The following H3C6 variants were observed in gnomAD, a reference collection of about 807,000 sequenced individuals.
H3C6 encodes the protein H3 clustered histone 6.
H3C6 carries 17 observed loss-of-function variants against 8.0 expected under a neutral mutation model. That is an observed-to-expected ratio of 2.13 (90% CI 1.46 to 3.19). H3C6 has a LOEUF of 3.19. Ranked by LOEUF, H3C6 falls within the 30% of genes most tolerant of loss-of-function variation. The pLI, the probability that H3C6 is intolerant of heterozygous loss-of-function variation, is 0.00. For synonymous variants in H3C6, 169 were observed against 78.0 expected, an observed-to-expected ratio of 2.17 and a Z score of -6.15; for missense variants, 298 against 193.8, an observed-to-expected ratio of 1.54 and a Z score of -3.19.
chr6:26,226,514 T>G (rs1239274405), downstream of H3C6: 2 of 152,138 alleles, frequency 1.3e-5, no homozygotes, highest in Non-Finnish European at 2.9e-5. Context: ...GCCTCAGCCT[T>G]CCGAGTAGCT....
downstream of H3C6, chr6:26,225,850 T>G (rs937511204): frequency 6.4e-6 from 2 of 313,172 alleles, no homozygotes; most frequent in Non-Finnish European, 1.2e-5. Flanking sequence ...TCTTGTACAT[T>G]GTTCTCGTTT....
At chr6:26,225,653 C>T (rs56119218), downstream of H3C6, 1 of 1,422,450 alleles carries the variant, frequency 7.0e-7, no homozygotes, top group Non-Finnish European at 9.6e-7. Flanking sequence ...CTTTGAGACG[C>T]ATTAGACCAC....
At chr6:26,226,171 A>T (rs1336921442), downstream of H3C6, 1 of 152,364 alleles carries the variant, frequency 6.6e-6, no homozygotes, top group South Asian at 2.1e-4. Context: ...ATTAGCTGGA[A>T]CACCTAGACC....
At chr6:26,224,983 C>G (rs949279256), upstream of H3C6, 6 of 671,780 alleles carry the variant, frequency 8.9e-6, no homozygotes, top group Admixed American at 6.6e-5. Flanking sequence ...TCCAAATTTA[C>G]CAATCAGAAT....
rs138589598 is a variant in H3C6 at position 26,225,175 on chromosome 6, G to T, written c.21G>T (p.Thr7=). 4 of 1,574,692 alleles carry T rather than the reference G, an allele frequency of 2.5e-6. No homozygotes were observed. In the South Asian group the frequency reaches 4.7e-5, roughly 18 times the overall value. Residue 7 remains threonine, a synonymous_variant, in exon 1 of 1, where the codon ACG becomes ACT. Transcript: ENST00000614911. ...GAACTATGGCGCGTACTAAGCAGAC[G>T]GCTCGTAAATCCACAGGCGGTAAAG... MARTKQ[T]ARKSTGGKAP...
rs750274232 is a variant in H3C6, at chr6:26,225,231, C to T, written c.77C>T (p.Ala26Val). 4 of 1,611,654 alleles carry T rather than the reference C, an allele frequency of 2.5e-6. No homozygotes were observed. The highest frequency in any genetic ancestry group is 3.4e-6 in the Non-Finnish European group (4 of 1,178,634). The change falls in exon 1 of 1, where the codon GCT (alanine) becomes GTT (valine). Residue 26 changes from alanine to valine, a missense_variant. Coordinates refer to ENST00000614911, the MANE Select transcript of H3C6 (RefSeq NM_003532.3). ...APRKQLATKA[A>V]RKSAPATGGV... The stretch of plus-strand genomic sequence containing the variant: ...CGCAAACAGCTGGCCACTAAGGCAG[C>T]TCGCAAGAGCGCTCCGGCCACGGGC...
downstream of H3C6, chr6:26,226,723 C>T (rs759089240): frequency 6.6e-6 from 1 of 152,176 alleles, no homozygotes; most frequent in Non-Finnish European, 1.5e-5. Flanking sequence ...AAAGGCACAG[C>T]TTCGAAACTG....
Position 26,225,475 on chromosome 6 carries a change from C to T in H3C6, c.321C>T (p.Asp107=), listed in dbSNP as rs544977094. The change falls in exon 1 of 1, where the codon GAC becomes GAT. Residue 107 remains aspartate, a synonymous_variant. Coordinates refer to ENST00000614911, the MANE Select transcript of H3C6 (RefSeq NM_003532.3). ...CCTACTTGGTGGGGCTTTTCGAGGACACCAACCTGTGCGCTATTCATGCCA... is the reference window on the plus strand; with the variant it reads ...CCTACTTGGTGGGGCTTTTCGAGGATACCAACCTGTGCGCTATTCATGCCA... ...CEAYLVGLFE[D]TNLCAIHAKR... 3 of 1,614,276 alleles carry T rather than the reference C, an allele frequency of 1.9e-6. No homozygotes were observed. Among genetic ancestry groups the T allele is most frequent in the East Asian group, 2.2e-5 (1 of 44,886 alleles).
downstream of H3C6, chr6:26,226,017 C>A (rs56360223): frequency 3.0e-4 from 47 of 156,478 alleles, no homozygotes; most frequent in Non-Finnish European, 5.2e-4. Flanking sequence ...TGACCTTGCC[C>A]GAGGGGCCAG....
chr6:26,225,590 T>C lies in H3C6; in HGVS notation c.*25T>C. 3 of 1,596,628 alleles carry C rather than the reference T, an allele frequency of 1.9e-6. No individual in the cohort carries two copies. Among genetic ancestry groups the C allele is most frequent in the Non-Finnish European group, 2.6e-6 (3 of 1,171,570 alleles). ...AATTGTTTTGAGTACAAACCTTAAA[T>C]CCAAAGGCTCTTCTCAGAGCCAACC... On this transcript the variant is annotated 3_prime_UTR_variant, in exon 1 of 1. Coordinates refer to ENST00000614911, the MANE Select transcript of H3C6 (RefSeq NM_003532.3).
chr6:26,227,389 A>ACATC (rs764986389), downstream of H3C6: 24 of 152,266 alleles, frequency 1.6e-4, 1 homozygote, highest in East Asian at 1.9e-3. Flanking sequence ...ATCCACCAGA[A>ACATC]CATCTAGCAT....
downstream of H3C6, chr6:26,226,923 T>C (rs534169552): frequency 1.3e-5 from 2 of 152,242 alleles, no homozygotes; most frequent in Non-Finnish European, 2.9e-5. Flanking sequence ...TTGAGAAATT[T>C]CTACTAACTT....
In H3C6 at chr6:26,225,522, A is replaced by C. The variant is rs1561993011; in HGVS notation, c.368A>C (p.Lys123Thr). Residue 123 changes from lysine (K) to threonine (T), a missense_variant, in exon 1 of 1, where the codon AAA (lysine) becomes ACA (threonine). Lys to Thr is a moderately conservative substitution (Grantham distance 78). Coordinates refer to ENST00000614911, the MANE Select transcript of H3C6 (RefSeq NM_003532.3). ...GCCAAACGCGTGACCATCATGCCTAAAGACATCCAGCTTGCCCGCCGCATT... is the reference window on the plus strand; with the variant it reads ...GCCAAACGCGTGACCATCATGCCTACAGACATCCAGCTTGCCCGCCGCATT... ...IHAKRVTIMP[K>T]DIQLARRIRG... 6 of 1,614,122 alleles carry C rather than the reference A, an allele frequency of 3.7e-6. No individual in the cohort carries two copies. The Admixed American group carries it at 6.7e-5, about 18-fold the overall frequency.
At chr6:26,225,643 C>T, downstream of H3C6, 8 of 1,503,766 alleles carry the variant, frequency 5.3e-6, no homozygotes, top group South Asian at 5.1e-5. Flanking sequence ...GGCTGTAATC[C>T]TTTGAGACGC....
upstream of H3C6, chr6:26,225,132 C>A (rs751887489): frequency 6.5e-7 from 1 of 1,529,812 alleles, no homozygotes; most frequent in Non-Finnish European, 8.8e-7. Context: ...ATCTTCCTAA[C>A]TCATTTACTT....
chr6:26,225,124 C>A (rs200686838), upstream of H3C6: 89 of 1,523,562 alleles, frequency 5.8e-5, no homozygotes, highest in Middle Eastern at 7.1e-4. Flanking sequence ...GCAAACCAAT[C>A]TTCCTAACTC....
At position 26,225,544 on chromosome 6, in the gene H3C6, C is replaced by T. The variant is rs749185952; in HGVS notation, c.390C>T (p.Arg130=). 3.1e-6 allele frequency: 5 copies of T among 1,613,808 alleles called. No individual in the cohort carries two copies. The highest frequency in any genetic ancestry group is 3.3e-4 in the Middle Eastern group (2 of 6,080). Residue 130 remains arginine (R), a synonymous_variant, in exon 1 of 1, where the codon CGC becomes CGT. Coordinates refer to ENST00000614911, the MANE Select transcript of H3C6 (RefSeq NM_003532.3). ...CTAAAGACATCCAGCTTGCCCGCCG[C>T]ATTCGTGGGGAGAGGGCGTGAATTG... The part of the protein sequence containing the change: ...IMPKDIQLAR[R]IRGERA
At chr6:26,224,358 GCACCT>G (rs916147855), upstream of H3C6, 2 of 152,322 alleles carry the variant, frequency 1.3e-5, no homozygotes, top group East Asian at 3.9e-4. Flanking sequence ...ATTGTTCGGT[GCACCT>G]CAGCTCTCTC....
At chr6:26,225,118 A>T, upstream of H3C6, 2 of 1,522,658 alleles carry the variant, frequency 1.3e-6, no homozygotes, top group Non-Finnish European at 1.8e-6. Context: ...AGAGGGGCAA[A>T]CCAATCTTCC....
Sources: gnomAD v4.1 joint callset for allele counts on GRCh38, gnomAD v4.1.1 for gene constraint, MANE v1.5 for transcripts, NCBI Gene and HGNC (gene_info 2026-07-23, HGNC 2026-07-21) for gene names.